PCDH11X: variants seen among roughly 807,000 people sequenced by gnomAD.
PCDH11X encodes protocadherin 11 X-linked, also known as protocadherin-11 X-linked.
PCDH11X carries 18 observed loss-of-function variants against 53.3 expected under a neutral mutation model. That is an observed-to-expected ratio of 0.34 (90% CI 0.23 to 0.50). The LOEUF is 0.50. PCDH11X is among the 20% of genes least tolerant of loss of function. The probability of loss-of-function intolerance (pLI) is 0.98; values close to 1 mark genes in which losing one functional copy is unlikely to be tolerated. For synonymous variants in PCDH11X, 279 were observed against 393.3 expected, an observed-to-expected ratio of 0.71 and a Z score of 3.44; for missense variants, 570 against 1,032.4, an observed-to-expected ratio of 0.55 and a Z score of 6.14.
chrX:91,875,827 A>G lies in PCDH11X; in HGVS notation c.541-954A>G, dbSNP rs940059595. On this transcript the variant is annotated intron_variant, in intron 5 of 10. Coordinates refer to ENST00000682573, the MANE Select transcript of PCDH11X (RefSeq NM_032968.5). ...AATATTGAAATTCTTTGTATTTTAT[A>G]CAAATTTATATTTTAACCAGTTTGT... 2.1e-4 allele frequency among the ~76,000 whole-genome samples: 23 copies of G among 110,206 alleles called. No homozygotes were observed. In the East Asian group the frequency reaches 2.6e-3, roughly 12 times the overall value.
At chrX:91,973,077 G>A (rs2061990008) in intron 6 of PCDH11X, among the ~76,000 whole-genome samples, 1 of 109,683 alleles carries the variant, frequency 9.1e-6, no homozygotes, top group African/African-American at 3.3e-5. Flanking sequence ...AGAAAATGTG[G>A]CACAAATACA....
At chrX:92,566,130 G>A (rs887112619) in intron 10 of PCDH11X, among the ~76,000 whole-genome samples, 1 of 109,176 alleles carries the variant, frequency 9.2e-6, no homozygotes, top group African/African-American at 3.3e-5. Context: ...TGTGGTGGTT[G>A]CTGTTTTGGT....
At chrX:91,925,554 A>G (rs1434904590) in intron 6 of PCDH11X, among the ~76,000 whole-genome samples, 3 of 110,897 alleles carry the variant, frequency 2.7e-5, no homozygotes, top group Non-Finnish European at 3.8e-5. Flanking sequence ...CACTAAAGTC[A>G]TTATTTGAGG....
intron 1 of PCDH11X, among the ~76,000 whole-genome samples, chrX:91,796,527 T>G (rs951323130): frequency 9.0e-6 from 1 of 111,208 alleles, no homozygotes; most frequent in Admixed American, 9.6e-5. Context: ...AGTTGGAAAC[T>G]GTTAAAGGAC....
intron 1 of PCDH11X, among the ~76,000 whole-genome samples, chrX:91,792,311 G>A (rs751529725): frequency 2.2e-3 from 241 of 111,634 alleles, no homozygotes; most frequent in African/African-American, 7.7e-3. Context: ...TATTAGAATG[G>A]TTCAAAATAT....
At chrX:92,050,569 T>G (rs989228252) in intron 6 of PCDH11X, among the ~76,000 whole-genome samples, 13 of 100,468 alleles carry the variant, frequency 1.3e-4, no homozygotes, top group South Asian at 5.0e-4. Context: ...AGTTAACTAA[T>G]CATTCTGTGC....
At chrX:92,314,383 C>T (rs952540116) in intron 8 of PCDH11X, among the ~76,000 whole-genome samples, 2 of 111,190 alleles carry the variant, frequency 1.8e-5, no homozygotes, top group African/African-American at 6.5e-5. Context: ...ATAACAATGC[C>T]GTCTTCTGAA....
chrX:92,534,364 A>G (rs767761781), intron 10 of PCDH11X, among the ~76,000 whole-genome samples: 1 of 111,361 alleles, frequency 9.0e-6, no homozygotes, highest in South Asian at 3.8e-4. Flanking sequence ...AAAAAAGGGT[A>G]AAAATAAACG....
At chrX:92,147,865 C>CTT (rs2065312829) in intron 6 of PCDH11X, among the ~76,000 whole-genome samples, 4 of 24,780 alleles carry the variant, frequency 1.6e-4, no homozygotes, top group African/African-American at 5.2e-4. Context: ...TTTCTTTTCT[C>CTT]TCTTTCCTTT....
intron 10 of PCDH11X, among the ~76,000 whole-genome samples, chrX:92,614,639 G>A: frequency 9.3e-6 from 1 of 107,503 alleles, no homozygotes; most frequent in Non-Finnish European, 1.9e-5. Context: ...CCTATGTTAG[G>A]ACAGGTCCAA....
chrX:92,354,577 A>G (rs2573768), intron 8 of PCDH11X, among the ~76,000 whole-genome samples: 30,465 of 110,260 alleles, frequency 0.28, 3,980 homozygotes, highest in East Asian at 0.85. Context: ...ACAAGAAGTG[A>G]AACTGGAGCT....
Position 92,100,431 on chromosome X carries a change from A to G in PCDH11X, c.3034-100944A>G, listed in dbSNP as rs761272248. On this transcript the variant is annotated intron_variant, in intron 6 of 10. Transcript: ENST00000682573. ...AAAGGGGGTTTGTTCTCTGGCGGGT[A>G]GGAGTGGGGGTCGCAAGGTGCTCAG... Among the ~76,000 whole-genome samples, 5 of 108,099 alleles carry G rather than the reference A, an allele frequency of 4.6e-5. No homozygotes were observed. The Admixed American group carries it at 4.9e-4, about 11-fold the overall frequency. The allele number at this position is 108,099 out of a possible 115,157, so 93.9% of individuals were successfully genotyped here. A position where few individuals can be genotyped will look rare whatever the true frequency, so the allele number is the denominator to read the frequency against.
intron 8 of PCDH11X, among the ~76,000 whole-genome samples, chrX:92,358,130 T>C (rs992033894): frequency 9.5e-6 from 1 of 105,404 alleles, no homozygotes; most frequent in Non-Finnish European, 1.9e-5. Flanking sequence ...GATTTTGAAA[T>C]GTCTATAAGC....
chrX:92,436,744 C>A (rs1304935266), intron 9 of PCDH11X, among the ~76,000 whole-genome samples: 3 of 110,399 alleles, frequency 2.7e-5, no homozygotes, highest in Non-Finnish European at 3.8e-5. Flanking sequence ...CATGTTCTCA[C>A]GTATAAATGG....
At chrX:92,049,195 C>T (rs1182337763) in intron 6 of PCDH11X, among the ~76,000 whole-genome samples, 2 of 110,473 alleles carry the variant, frequency 1.8e-5, no homozygotes, top group Admixed American at 2.0e-4. Context: ...GGAAGGAAAG[C>T]AAAGGGGAAA....
intron 8 of PCDH11X, among the ~76,000 whole-genome samples, chrX:92,375,507 A>G (rs1323422845): frequency 9.5e-6 from 1 of 104,912 alleles, no homozygotes; most frequent in Non-Finnish European, 2.0e-5. Flanking sequence ...GAATTAGTTT[A>G]TGTTTATATG....
rs925314328 is a variant in PCDH11X, at chrX:91,835,806, C to T, written c.302C>T (p.Pro101Leu). ...CGTGAGAAATTATGTGCTGGTATCC[C>T]AAGGGATGAGCATTGCTTTTATGAA... ...IDREKLCAGIPRDEHCFYEVE... is the reference protein window; with the variant it reads ...IDREKLCAGILRDEHCFYEVE... Residue 101 changes from proline to leucine, a missense_variant, in exon 5 of 11, where the codon CCA becomes CTA. Transcript: ENST00000682573. 5.0e-6 allele frequency: 6 copies of T among 1,208,356 alleles called. No individual in the cohort carries two copies. The highest frequency in any genetic ancestry group is 4.4e-5 in the Admixed American group (2 of 45,385).
intron 6 of PCDH11X, among the ~76,000 whole-genome samples, chrX:92,091,316 T>A (rs2064044337): frequency 1.8e-5 from 2 of 109,964 alleles, no homozygotes; most frequent in African/African-American, 6.7e-5. Flanking sequence ...CCATTTAAAT[T>A]CCCAGATTTG....
intron 6 of PCDH11X, among the ~76,000 whole-genome samples, chrX:91,948,667 A>G (rs1317488264): frequency 9.1e-6 from 1 of 109,334 alleles, no homozygotes; most frequent in African/African-American, 3.3e-5. Flanking sequence ...GACCATTGCA[A>G]TAGGTGTAGG....
Sources: allele counts gnomAD v4.1 joint callset (sites outside exome capture counted in the v4.1 genomes callset), GRCh38; gene constraint gnomAD v4.1.1; transcripts MANE v1.5; gene names NCBI Gene and HGNC (gene_info 2026-07-23, HGNC 2026-07-21).